Variants in PDE10A observed in about 807,000 individuals in gnomAD.
PDE10A encodes cAMP and cAMP-inhibited cGMP 3',5'-cyclic phosphodiesterase 10A.
In PDE10A, 39 loss-of-function variants were observed where a neutral mutation model predicts 97.7. The ratio of observed to expected loss-of-function variants is 0.40; its 90% CI spans 0.31 to 0.52. The LOEUF (loss-of-function observed/expected upper bound fraction) is 0.52. PDE10A is among the 20% of genes least tolerant of loss of function. The probability of loss-of-function intolerance (pLI) is 0.56; values close to 1 mark genes in which losing one functional copy is unlikely to be tolerated. For missense variants in PDE10A, 731 were observed against 1,047.8 expected (o/e 0.70, Z 4.17); for synonymous variants, 371 against 376.8 (o/e 0.98, Z 0.18).
rs1781289064 is a variant in PDE10A, at chr6:165,330,638, T to C, written c.*2387A>G. On this transcript the variant is annotated 3_prime_UTR_variant, in exon 22 of 22. Coordinates refer to ENST00000539869, the MANE Select transcript of PDE10A (RefSeq NM_001385079.1). ...CATTCCTTTGGGAAACTGTTCTAAA[T>C]AGAGATTACATAATACACTTGACTA... The C allele has an allele frequency of 2.6e-5, 4 of 152,292 alleles. No individual in the cohort carries two copies. The South Asian group carries it at 6.2e-4, about 24-fold the overall frequency. The allele number at this position is 152,292 out of a possible 1,614,324, so 9.4% of individuals were successfully genotyped here. A position where few individuals can be genotyped will look rare whatever the true frequency, so the allele number is the denominator to read the frequency against.
At chr6:165,654,761 C>T (rs1290888426) in intron 1 of PDE10A, among the ~76,000 whole-genome samples, 1 of 152,182 alleles carries the variant, frequency 6.6e-6, no homozygotes, top group African/African-American at 2.4e-5. Context: ...TGCCACTCCA[C>T]CGCAATCTCC....
intron 18 of PDE10A, among the ~76,000 whole-genome samples, chr6:165,356,220 G>A (rs1219979153): frequency 6.6e-6 from 1 of 152,094 alleles, no homozygotes; most frequent in Non-Finnish European, 1.5e-5. Context: ...TTTAGGTGGG[G>A]ACACAGCCAA....
In PDE10A at chr6:165,428,857, A is replaced by G. The variant is rs1057104470; in HGVS notation, c.1602-148T>C. 55 of 513,318 alleles carry G rather than the reference A, an allele frequency of 1.1e-4. No homozygotes were observed. In the East Asian group the frequency reaches 1.8e-3, roughly 17 times the overall value. 31.8% of individuals were successfully genotyped at this position (513,318 alleles called of 1,614,324 possible). A position where few individuals can be genotyped will look rare whatever the true frequency, so the allele number is the denominator to read the frequency against. The stretch of plus-strand genomic sequence containing the variant: ...TGATTTTTCTGCTTTGGCAAAAAAA[A>G]AAATCAGTACTGTAATATTATTTTA... On this transcript the variant is annotated intron_variant, in intron 9 of 21. Coordinates refer to ENST00000539869, the MANE Select transcript of PDE10A (RefSeq NM_001385079.1).
intron 1 of PDE10A, among the ~76,000 whole-genome samples, chr6:165,902,952 C>T (rs977654983): frequency 6.6e-6 from 1 of 152,152 alleles, no homozygotes; most frequent in Non-Finnish European, 1.5e-5. Context: ...TGTGTTTGAG[C>T]CTTTTATATG....
At chr6:165,509,457 C>A (rs1295394342) in intron 2 of PDE10A, among the ~76,000 whole-genome samples, 1 of 151,880 alleles carries the variant, frequency 6.6e-6, no homozygotes, top group South Asian at 2.1e-4. Flanking sequence ...ATTTTTATAG[C>A]AATACCATGC....
At chr6:165,695,373 C>T (rs936095509) in intron 1 of PDE10A, among the ~76,000 whole-genome samples, 4 of 152,178 alleles carry the variant, frequency 2.6e-5, no homozygotes, top group Non-Finnish European at 5.9e-5. Flanking sequence ...GCTAAGAATG[C>T]ACCTCTGTTC....
intron 1 of PDE10A, among the ~76,000 whole-genome samples, chr6:165,865,975 G>A (rs1268006863): frequency 6.6e-6 from 1 of 152,052 alleles, no homozygotes; most frequent in Non-Finnish European, 1.5e-5. Flanking sequence ...CTTTTCCAAG[G>A]AATTTTTAGG....
chr6:165,434,976 CAT>C (rs1173914114), intron 6 of PDE10A, among the ~76,000 whole-genome samples: 2 of 152,092 alleles, frequency 1.3e-5, no homozygotes, highest in African/African-American at 4.8e-5. Context: ...AGTTTACATT[CAT>C]ATGAATATAC....
At chr6:165,492,669 T>C (rs148660278) in intron 2 of PDE10A, among the ~76,000 whole-genome samples, 114 of 152,172 alleles carry the variant, frequency 7.5e-4, no homozygotes, top group African/African-American at 2.0e-3. Context: ...CTCAGCAAAA[T>C]TGGCATAAAA....
At chr6:165,718,944 A>G (rs1792095421) in intron 1 of PDE10A, among the ~76,000 whole-genome samples, 2 of 152,306 alleles carry the variant, frequency 1.3e-5, no homozygotes, top group South Asian at 4.1e-4. Flanking sequence ...TCTCAGAGGA[A>G]AAAGAAAAGA....
chr6:165,761,079 G>A (rs369958244), intron 1 of PDE10A, among the ~76,000 whole-genome samples: 7 of 152,184 alleles, frequency 4.6e-5, no homozygotes, highest in South Asian at 2.1e-4. Context: ...TCCCGTTCCC[G>A]GGTGGTAACC....
At chr6:165,863,259 G>T (rs1583205632) in intron 1 of PDE10A, among the ~76,000 whole-genome samples, 1 of 152,160 alleles carries the variant, frequency 6.6e-6, no homozygotes, top group East Asian at 1.9e-4. Flanking sequence ...ATTTCGGGTT[G>T]CTCTAAGAAA....
chr6:165,819,695 CTG>C lies in PDE10A; in HGVS notation c.-615+167832_-615+167833del, dbSNP rs1460513688. On this transcript the variant is annotated intron_variant, in intron 1 of 19. Transcript: ENST00000366882. The surrounding 1 kb of genome is among the most constrained non-coding windows in gnomAD (Gnocchi z 4.2). ...CTGTCAGTGTGCTGGATTTCACTGA[CTG>C]TGCACCACGTACTCCTCACCCGCCC... Among the ~76,000 whole-genome samples the C allele has an allele frequency of 1.3e-5, 2 of 152,198 alleles. No individual in the cohort carries two copies. The highest frequency in any genetic ancestry group is 2.9e-5 in the Non-Finnish European group (2 of 68,046).
intron 1 of PDE10A, among the ~76,000 whole-genome samples, chr6:165,793,745 C>T (rs1778725160): frequency 6.6e-6 from 1 of 152,196 alleles, no homozygotes; most frequent in African/African-American, 2.4e-5. Context: ...TGCCACTTTG[C>T]CTTCGGCTTG....
At chr6:165,862,676 CTTTTTTTTT>C (rs200141487) in intron 1 of PDE10A, among the ~76,000 whole-genome samples, 10 of 140,806 alleles carry the variant, frequency 7.1e-5, no homozygotes, top group African/African-American at 5.3e-5. Context: ...AGCAGTCGTC[CTTTTTTTTT>C]TTTTTTTTTT....
chr6:165,387,284 T>G (rs220805), intron 17 of PDE10A, among the ~76,000 whole-genome samples: 110,124 of 152,082 alleles, frequency 0.72, 40,765 homozygotes, highest in African/African-American at 0.84. Flanking sequence ...ATAGAGTAAG[T>G]TCATCATTTA....
At chr6:165,499,417 TACTA>T (rs1780736400) in intron 2 of PDE10A, among the ~76,000 whole-genome samples, 1 of 152,128 alleles carries the variant, frequency 6.6e-6, no homozygotes, top group Non-Finnish European at 1.5e-5. Flanking sequence ...TTGAGACAAA[TACTA>T]ACTAATAAAG....
At chr6:165,468,691 C>G (rs773769406) in intron 3 of PDE10A, among the ~76,000 whole-genome samples, 5 of 152,156 alleles carry the variant, frequency 3.3e-5, no homozygotes, top group Non-Finnish European at 5.9e-5. Context: ...AACAGATAAA[C>G]AAGAAATTAT....
rs73253448 is a variant in PDE10A, at chr6:165,671,790, C to T, written c.-614-128222G>A. Among the ~76,000 whole-genome samples the T allele has an allele frequency of 0.049, 7,438 of 152,048 alleles. 453 individuals carry two copies. Among genetic ancestry groups the T allele is most frequent in the African/African-American group, 0.13 (5,438 of 41,446 alleles). ...TGTGTGTGTGCTTTATTCTCTAAGG[C>T]AGGATGTTTATATTCAGTATTCACA... On this transcript the variant is annotated intron_variant, in intron 1 of 19. Coordinates refer to the PDE10A transcript ENST00000366882. This position sits in a 1 kb window ranked among gnomAD's most constrained non-coding sequence, Gnocchi z 4.6.
Sources: allele counts gnomAD v4.1 joint callset (sites outside exome capture counted in the v4.1 genomes callset), GRCh38; gene constraint gnomAD v4.1.1; non-coding constraint Gnocchi (gnomAD v3.1); transcripts MANE v1.5; gene names NCBI Gene and HGNC (gene_info 2026-07-23, HGNC 2026-07-21).